Variants in ADGRD1 observed in about 807,000 individuals in gnomAD.
ADGRD1 encodes the protein adhesion G protein-coupled receptor D1.
A neutral mutation model predicts 113.4 loss-of-function variants in ADGRD1; 77 were observed. The observed-to-expected ratio is 0.68, with a 90% confidence interval of 0.57 to 0.82. The LOEUF (loss-of-function observed/expected upper bound fraction) is 0.82. Ranked by LOEUF, ADGRD1 falls within the 40% of genes least tolerant of loss-of-function variation. The pLI is 0.00. For synonymous variants in ADGRD1, 474 were observed against 475.0 expected (o/e 1.00, Z 0.03); for missense variants, 1,036 against 1,139.1 (o/e 0.91, Z 1.30).
intron 13 of ADGRD1, among the ~76,000 whole-genome samples, chr12:131,018,577 T>A (rs1224449167): frequency 6.6e-6 from 1 of 152,136 alleles, no homozygotes; most frequent in African/African-American, 2.4e-5. Context: ...TGTTAAACAA[T>A]CCCGCTCTTC....
chr12:131,131,998 C>A (rs987722451), intron 21 of ADGRD1, among the ~76,000 whole-genome samples, 182 bp downstream of exon 21: 3 of 152,172 alleles, frequency 2.0e-5, no homozygotes, highest in Admixed American at 6.5e-5. Context: ...CTCTCGTGAC[C>A]CAGGACAGGG....
At chr12:131,083,522 A>G (rs7135557) in intron 14 of ADGRD1, among the ~76,000 whole-genome samples, 131,647 of 152,226 alleles carry the variant, frequency 0.86, 57,662 homozygotes, top group East Asian at 1. Flanking sequence ...TGGGAGGATC[A>G]CGTGAGCGCA....
In ADGRD1 at chr12:131,003,161, C is replaced by T. The variant is rs773928703; in HGVS notation, c.1027-24C>T. The T allele has an allele frequency of 1.4e-5, 22 of 1,571,964 alleles. No homozygotes were observed. Among genetic ancestry groups the T allele is most frequent in the South Asian group, 3.3e-5 (3 of 90,232 alleles). On this transcript the variant is annotated intron_variant, in intron 9 of 24. Transcript: ENST00000261654. The surrounding 1 kb of genome is among the most constrained non-coding windows in gnomAD (Gnocchi z 4.8). Reference sequence around the variant, plus strand: ...GGCTGAGTGGGGTGGATTTTCATGGCTCCTGGTGCTTGTGTTGCTGCAGGA... The same window carrying T: ...GGCTGAGTGGGGTGGATTTTCATGGTTCCTGGTGCTTGTGTTGCTGCAGGA...
At chr12:131,138,568 A>G (rs1951164062) in intron 24 of ADGRD1, among the ~76,000 whole-genome samples, 1 of 152,338 alleles carries the variant, frequency 6.6e-6, no homozygotes, top group Non-Finnish European at 1.5e-5. Flanking sequence ...AGTCTGGAGC[A>G]GGCCCTGTTA....
Position 131,104,823 on chromosome 12 carries a change from C to T in ADGRD1, c.1672-8C>T, listed in dbSNP as rs1188732403. 6.5e-7 allele frequency: 1 copy of T among 1,543,000 alleles called. No homozygotes were observed. Among genetic ancestry groups the T allele is most frequent in the South Asian group, 1.2e-5 (1 of 83,844 alleles). On this transcript the variant is annotated splice_polypyrimidine_tract_variant and splice_region_variant and intron_variant, in intron 15 of 24. Coordinates refer to ENST00000261654, the MANE Select transcript of ADGRD1 (RefSeq NM_198827.5). ...CTGCTGCTGACGCCTCTGCTCTGCTCCCCGCAGCTTGCACGCGGACACCAG... is the reference window on the plus strand; with the variant it reads ...CTGCTGCTGACGCCTCTGCTCTGCTTCCCGCAGCTTGCACGCGGACACCAG...
At chr12:131,107,895 T>C (rs1950268726) in intron 17 of ADGRD1, among the ~76,000 whole-genome samples, 1 of 152,226 alleles carries the variant, frequency 6.6e-6, no homozygotes, top group African/African-American at 2.4e-5. Context: ...AGAGCTGGGT[T>C]GTCCTGGGGT....
chr12:131,056,802 T>C (rs944160799), intron 13 of ADGRD1, among the ~76,000 whole-genome samples: 1 of 152,060 alleles, frequency 6.6e-6, no homozygotes, highest in Admixed American at 6.5e-5. Context: ...ACACAAGAGA[T>C]CCTTGTGTTG....
At chr12:131,121,569 G>A (rs1950594075) in intron 20 of ADGRD1, among the ~76,000 whole-genome samples, 1 of 152,130 alleles carries the variant, frequency 6.6e-6, no homozygotes, top group Admixed American at 6.5e-5. Flanking sequence ...TAGTAGAGAC[G>A]GGGTTTCACC....
chr12:131,051,247 C>G (rs1883357119), intron 13 of ADGRD1, among the ~76,000 whole-genome samples: 1 of 152,174 alleles, frequency 6.6e-6, no homozygotes, highest in African/African-American at 2.4e-5. Context: ...TTATGCTGCC[C>G]CAGGAACGAT....
intron 13 of ADGRD1, among the ~76,000 whole-genome samples, chr12:131,053,275 C>T (rs1055743998): frequency 3.3e-5 from 5 of 152,382 alleles, no homozygotes; most frequent in Admixed American, 6.5e-5. Flanking sequence ...TTCCCTGCCC[C>T]GTTCCTGTGC....
intron 13 of ADGRD1, among the ~76,000 whole-genome samples, chr12:131,067,661 C>T (rs1461456176): frequency 2.3e-5 from 3 of 129,774 alleles, no homozygotes; most frequent in East Asian, 2.3e-4. Context: ...CCCTCTGCCT[C>T]CTATATGTCT....
chr12:131,110,101 G>T (rs945145407), intron 18 of ADGRD1, among the ~76,000 whole-genome samples: 13 of 151,530 alleles, frequency 8.6e-5, no homozygotes, highest in African/African-American at 2.9e-4. Context: ...TGAACCTAAG[G>T]TATATCTCCT....
At chr12:131,083,088 T>C (rs7138155) in intron 14 of ADGRD1, among the ~76,000 whole-genome samples, 132,502 of 152,226 alleles carry the variant, frequency 0.87, 58,273 homozygotes, top group East Asian at 1. Context: ...GGTCATGCCA[T>C]CGGACAGCCA....
Position 130,964,093 on chromosome 12 carries a change from T to C in ADGRD1, c.104-2370T>C, listed in dbSNP as rs555286541. On this transcript the variant is annotated intron_variant, in intron 2 of 24. Transcript: ENST00000261654. ...TTCATTGAACTATTTGATTATCTCCTTTGCCTCAATATTCGGTTGGTTCTT... is the reference window on the plus strand; with the variant it reads ...TTCATTGAACTATTTGATTATCTCCCTTGCCTCAATATTCGGTTGGTTCTT... 2.6e-5 allele frequency among the ~76,000 whole-genome samples: 4 copies of C among 152,296 alleles called. No individual in the cohort carries two copies. In the East Asian group the frequency reaches 7.7e-4, roughly 29 times the overall value.
intron 14 of ADGRD1, among the ~76,000 whole-genome samples, chr12:131,078,857 T>G (rs2137179382): frequency 6.6e-6 from 1 of 152,314 alleles, no homozygotes; most frequent in South Asian, 2.1e-4. Flanking sequence ...TACTTATTAT[T>G]ATATAATTGA....
chr12:131,009,795 C>T (rs747739056), intron 12 of ADGRD1, among the ~76,000 whole-genome samples: 53 of 151,978 alleles, frequency 3.5e-4, no homozygotes, highest in Admixed American at 2.6e-4. Context: ...CATACATGTG[C>T]GTGTGTGTGT....
intron 15 of ADGRD1, among the ~76,000 whole-genome samples, chr12:131,088,639 A>G (rs1886672216): frequency 1.3e-5 from 2 of 152,186 alleles, no homozygotes; most frequent in Non-Finnish European, 2.9e-5. Context: ...GGGCGGAGGC[A>G]GGGGCTCCAG....
At chr12:130,985,437 C>T (rs756779841) in intron 5 of ADGRD1, among the ~76,000 whole-genome samples, 5 of 152,104 alleles carry the variant, frequency 3.3e-5, no homozygotes, top group Non-Finnish European at 7.4e-5. Flanking sequence ...CATCACTAAA[C>T]CCAAGGTCAT....
intron 15 of ADGRD1, among the ~76,000 whole-genome samples, chr12:131,098,476 T>C (rs917076641): frequency 1.3e-5 from 2 of 151,856 alleles, no homozygotes; most frequent in Non-Finnish European, 2.9e-5. Flanking sequence ...TGGTAGAGGA[T>C]GGGGCTGGTG....
Sources: gnomAD v4.1 joint callset for allele counts (sites outside exome capture counted in the v4.1 genomes callset) on GRCh38, gnomAD v4.1.1 for gene constraint, Gnocchi (gnomAD v3.1) non-coding constraint, MANE v1.5 for transcripts, NCBI Gene and HGNC (gene_info 2026-07-23, HGNC 2026-07-21) for gene names.